GPR50: variants seen among roughly 807,000 people sequenced by gnomAD.
GPR50 encodes melatonin-related receptor.
Under a neutral mutation model 2.6 loss-of-function variants are expected in GPR50, and 1 was observed. That is an observed-to-expected ratio of 0.38 (90% confidence interval 0.13 to 1.79). GPR50 has a LOEUF of 1.79. Ranked by LOEUF, GPR50 falls within the 40% of genes most tolerant of loss-of-function variation. The probability of loss-of-function intolerance (pLI) is 0.33; values close to 1 mark genes in which losing one functional copy is unlikely to be tolerated. For missense variants in GPR50, 535 were observed against 522.1 expected, an observed-to-expected ratio of 1.02 and a Z score of -0.24; for synonymous variants, 233 against 202.3, an observed-to-expected ratio of 1.15 and a Z score of -1.29.
chrX:151,180,952 T>C lies in GPR50; in HGVS notation c.1369T>C (p.Ser457Pro), dbSNP rs370024017. The C allele has an allele frequency of 1.7e-6, 2 of 1,208,569 alleles. No homozygotes were observed. The highest frequency in any genetic ancestry group is 3.5e-5 in the African/African-American group (2 of 56,715). ...KADSVHFKGD[S>P]VHFKPDSVHF... ...TGACTCTGTCCATTTCAAGGGTGAC[T>C]CTGTCCATTTCAAGCCTGACTCTGT... is the stretch of plus-strand genomic sequence containing the variant. Residue 457 changes from serine (S) to proline (P), a missense_variant, in exon 2 of 2, where the codon TCT becomes CCT. Ser to Pro is a moderately conservative substitution (Grantham distance 74). Transcript: ENST00000218316.
At chrX:151,181,579 T>G, downstream of GPR50, 1 of 462,165 alleles carries the variant, frequency 2.2e-6, no homozygotes, top group South Asian at 3.4e-5. Context: ...CTTTCAGGCG[T>G]ACTCATCCTT....
chrX:151,180,418 G>T lies in GPR50; in HGVS notation c.835G>T (p.Ala279Ser). The change falls in exon 2 of 2, where the codon GCC becomes TCC. Residue 279 changes from alanine to serine, a missense_variant. Ala to Ser is a moderately conservative substitution (Grantham distance 99). Transcript: ENST00000218316. ...GATCCCCAACTGGCTTTATCTTGCA[G>T]CCTACTTCATAGCCTACTTCAACAG... Reference protein sequence around the residue: ...GKIPNWLYLAAYFIAYFNSCL... With the variant: ...GKIPNWLYLASYFIAYFNSCL... 8.3e-7 allele frequency: 1 copy of T among 1,211,559 alleles called. No homozygotes were observed.
chrX:151,176,964 C>A, intron 1 of GPR50, 56 bp downstream of exon 1: 2 of 882,200 alleles, frequency 2.3e-6, no homozygotes, highest in Non-Finnish European at 3.2e-6. Context: ...ACCCCTAGGG[C>A]GTTAGTTTTT....
In GPR50 at chrX:151,180,038, C is replaced by T; in HGVS notation, c.455C>T (p.Thr152Ile). 8.3e-7 allele frequency: 1 copy of T among 1,211,234 alleles called. No homozygotes were observed. Among genetic ancestry groups the T allele is most frequent in the Non-Finnish European group, 1.1e-6 (1 of 894,919 alleles). Reference protein sequence around the residue: ...VRNTCIYLVITWIMTVLAVLP... With the variant: ...VRNTCIYLVIIWIMTVLAVLP... ...AATACCTGCATCTACCTGGTCATCACCTGGATCATGACCGTCCTGGCTGTC... is the reference window on the plus strand; with the variant it reads ...AATACCTGCATCTACCTGGTCATCATCTGGATCATGACCGTCCTGGCTGTC... Residue 152 changes from threonine to isoleucine, a missense_variant, in exon 2 of 2, where the codon ACC becomes ATC. Coordinates refer to ENST00000218316, the MANE Select transcript of GPR50 (RefSeq NM_004224.3).
At position 151,180,738 on chromosome X, in the gene GPR50, C is replaced by T. The variant is rs1403348283; in HGVS notation, c.1155C>T (p.His385=). The change falls in exon 2 of 2, where the codon CAC becomes CAT. Residue 385 remains histidine, a synonymous_variant. Transcript: ENST00000218316. ...GCCACCCCGACCGTGCCTCTGGCCACCCTAAGCCCCATTCCAGATCCTCCT... is the reference window on the plus strand; with the variant it reads ...GCCACCCCGACCGTGCCTCTGGCCATCCTAAGCCCCATTCCAGATCCTCCT... ...AAGHPDRASG[H]PKPHSRSSSA... 8.3e-7 allele frequency: 1 copy of T among 1,210,868 alleles called. No individual in the cohort carries two copies.
At chrX:151,178,665 G>T (rs1399225157) in intron 1 of GPR50, among the ~76,000 whole-genome samples, 1 of 112,075 alleles carries the variant, frequency 8.9e-6, no homozygotes, top group African/African-American at 3.2e-5. Context: ...GGAGGAAGAA[G>T]GAGCCATACC....
chrX:151,181,852 G>A (rs745322237), downstream of GPR50, among the ~76,000 whole-genome samples: 1 of 112,056 alleles, frequency 8.9e-6, no homozygotes, highest in Admixed American at 9.4e-5. Context: ...AGGGGTATGT[G>A]CGCAATGCTA....
At position 151,176,756 on chromosome X, in the gene GPR50, G is replaced by A. The variant is rs748396836; in HGVS notation, c.35G>A (p.Gly12Asp). The change falls in exon 1 of 2, where the codon GGC (glycine) becomes GAC (aspartate). Residue 12 changes from glycine to aspartate, a missense_variant. Coordinates refer to ENST00000218316, the MANE Select transcript of GPR50 (RefSeq NM_004224.3). ...GPTLAVPTPY[G>D]CIGCKLPQPE... ...ACCCTAGCGGTTCCCACCCCCTATG[G>A]CTGTATTGGCTGTAAGCTACCCCAG... 1.7e-6 allele frequency: 2 copies of A among 1,203,085 alleles called. No homozygotes were observed. The highest frequency in any genetic ancestry group is 2.2e-6 in the Non-Finnish European group (2 of 890,489).
rs770603459 is a variant in GPR50, at chrX:151,179,922, C to A, written c.339C>A (p.Val113=). Residue 113 remains valine (V), a synonymous_variant, in exon 2 of 2, where the codon GTC becomes GTA. Coordinates refer to ENST00000218316, the MANE Select transcript of GPR50 (RefSeq NM_004224.3). The part of the protein sequence containing the change: ...MVGFITGLSV[V]GSIFNIVAIA... ...GGTTCATCACAGGGCTGAGTGTGGT[C>A]GGCTCCATCTTCAACATCGTGGCAA... 8.3e-7 allele frequency: 1 copy of A among 1,209,021 alleles called. No homozygotes were observed. Among genetic ancestry groups the A allele is most frequent in the East Asian group, 3.0e-5 (1 of 33,742 alleles).
chrX:151,181,368 C>T lies in GPR50; in HGVS notation c.1785C>T (p.Thr595=). 2 of 1,196,938 alleles carry T rather than the reference C, an allele frequency of 1.7e-6. No homozygotes were observed. Among genetic ancestry groups the T allele is most frequent in the Non-Finnish European group, 2.3e-6 (2 of 883,830 alleles). ...TTCCTGACCCTACTGTAGTCACTAC[C>T]AGTACCAATGATTACCATGATGTCG... The part of the protein sequence containing the change: ...ADLPDPTVVT[T]STNDYHDVVV... The change falls in exon 2 of 2, where the codon ACC becomes ACT. Residue 595 remains threonine (T), a synonymous_variant. Transcript: ENST00000218316.
Position 151,179,785 on chromosome X carries a change from G to T in GPR50, c.202G>T (p.Val68Phe). 8.6e-7 allele frequency: 1 copy of T among 1,166,209 alleles called. No homozygotes were observed. Reference protein sequence around the residue: ...KLRNSGNIFVVSLSVADMLVA... With the variant: ...KLRNSGNIFVFSLSVADMLVA... ...ATGTTTTTCAGGCAACATCTTCGTGGTCAGTCTCTCTGTGGCCGATATGCT... is the reference window on the plus strand; with the variant it reads ...ATGTTTTTCAGGCAACATCTTCGTGTTCAGTCTCTCTGTGGCCGATATGCT... The change falls in exon 2 of 2, where the codon GTC becomes TTC. Residue 68 changes from valine to phenylalanine, a missense_variant. Coordinates refer to ENST00000218316, the MANE Select transcript of GPR50 (RefSeq NM_004224.3).
chrX:151,176,621 C>T lies in GPR50; in HGVS notation c.-101C>T, dbSNP rs910313097. On this transcript the variant is annotated 5_prime_UTR_variant, in exon 1 of 2. The change creates a new upstream start codon in the 5' untranslated region. Coordinates refer to ENST00000218316, the MANE Select transcript of GPR50 (RefSeq NM_004224.3). Reference sequence around the variant, plus strand: ...TCTCTGACTCTCAGAGAGGGAGGCACGCTTTCCTGGAGCTCCTGGTGACAG... The same window carrying T: ...TCTCTGACTCTCAGAGAGGGAGGCATGCTTTCCTGGAGCTCCTGGTGACAG... 3.9e-6 allele frequency: 2 copies of T among 518,047 alleles called. No individual in the cohort carries two copies. Among genetic ancestry groups the T allele is most frequent in the Non-Finnish European group, 6.4e-6 (2 of 314,871 alleles). The allele number at this position is 518,047 out of a possible 1,213,427, so 42.7% of individuals were successfully genotyped here.
downstream of GPR50, among the ~76,000 whole-genome samples, chrX:151,181,898 C>T (rs1236419639): frequency 8.9e-6 from 1 of 112,619 alleles, no homozygotes; most frequent in Non-Finnish European, 1.9e-5. Context: ...GTTAATGTGA[C>T]TGCACAGCTT....
At position 151,180,908 on chromosome X, in the gene GPR50, CCTCTGTCCATTTCAAGGCTGA is replaced by C. The variant is rs769577486; in HGVS notation, c.1343_1363del (p.Ala448_Lys454del). ...TCTGCCACTGTCTACCCTAAGCCTG[CCTCTGTCCATTTCAAGGCTGA>C]CTCTGTCCATTTCAAGGGTGACTCT... On this transcript the variant is annotated inframe_deletion, in exon 2 of 2. Coordinates refer to ENST00000218316, the MANE Select transcript of GPR50 (RefSeq NM_004224.3). 8.9e-5 allele frequency: 108 copies of C among 1,208,973 alleles called. 2 individuals are homozygous for C. The African/African-American group carries it at 1.3e-3, about 14-fold the overall frequency.
rs769016022 is a variant in GPR50, at chrX:151,179,861, G to A, written c.278G>A (p.Gly93Asp). 5 of 1,207,866 alleles carry A rather than the reference G, an allele frequency of 4.1e-6. No individual in the cohort carries two copies. The highest frequency in any genetic ancestry group is 2.3e-4 in the Middle Eastern group (1 of 4,346). The change falls in exon 2 of 2, where the codon GGC becomes GAC. Residue 93 changes from glycine to aspartate, a missense_variant. By Grantham distance (94) the Gly-to-Asp change is moderately conservative. Transcript: ENST00000218316. ...ATGCTGCATGCCATGTCCATTGGGGGCTGGGATCTGAGCCAGTTACAGTGC... is the reference window on the plus strand; with the variant it reads ...ATGCTGCATGCCATGTCCATTGGGGACTGGGATCTGAGCCAGTTACAGTGC... ...PLMLHAMSIG[G>D]WDLSQLQCQM...
In GPR50 at chrX:151,181,061, G is replaced by A. The variant is rs62620754; in HGVS notation, c.1478G>A (p.Ser493Asn). Residue 493 changes from serine (S) to asparagine (N), a missense_variant, in exon 2 of 2, where the codon AGT becomes AAT. By Grantham distance (46) the Ser-to-Asn change is conservative. Coordinates refer to ENST00000218316, the MANE Select transcript of GPR50 (RefSeq NM_004224.3). ...GGCAGCCACTCCAAGTCTGCCTTCA[G>A]TGCTGCCACCAGCCACCCTAAACCC... is the stretch of plus-strand genomic sequence containing the variant. ...SAGSHSKSAF[S>N]AATSHPKPTT... 99,360 of 1,208,046 alleles carry A rather than the reference G, an allele frequency of 0.082. 3,041 individuals carry two copies. Among genetic ancestry groups the A allele is most frequent in the African/African-American group, 0.14 (8,024 of 56,603 alleles).
chrX:151,180,167 T>C lies in GPR50; in HGVS notation c.584T>C (p.Ile195Thr), dbSNP rs1162317136. ...NPVFTVTIVC[I>T]HFVLPLLIVG... ...GTCTTCACTGTTACCATCGTCTGCA[T>C]CCACTTCGTCCTCCCTCTCCTCATC... is the stretch of plus-strand genomic sequence containing the variant. The change falls in exon 2 of 2, where the codon ATC becomes ACC. Residue 195 changes from isoleucine (I) to threonine (T), a missense_variant. Ile to Thr is a moderately conservative substitution (Grantham distance 89). Coordinates refer to ENST00000218316, the MANE Select transcript of GPR50 (RefSeq NM_004224.3). The C allele has an allele frequency of 1.9e-5, 23 of 1,204,712 alleles. No individual in the cohort carries two copies. Among genetic ancestry groups the C allele is most frequent in the Non-Finnish European group, 2.2e-5 (20 of 894,925 alleles).
chrX:151,182,117 A>C (rs985648430), downstream of GPR50, among the ~76,000 whole-genome samples: 1 of 112,583 alleles, frequency 8.9e-6, no homozygotes, highest in Non-Finnish European at 1.9e-5. Context: ...ATATGGGCAC[A>C]CCAAATTATT....
rs1323601972 is a variant in GPR50 at position 151,181,353 on chromosome X, T to C, written c.1770T>C (p.Pro590=). 1.1e-5 allele frequency: 13 copies of C among 1,200,425 alleles called. No homozygotes were observed. The highest frequency in any genetic ancestry group is 1.2e-5 in the Non-Finnish European group (11 of 885,901). Residue 590 remains proline (P), a synonymous_variant, in exon 2 of 2, where the codon CCT becomes CCC. Coordinates refer to ENST00000218316, the MANE Select transcript of GPR50 (RefSeq NM_004224.3). ...ESDTIADLPD[P]TVVTTSTNDY... ...ACACCATCGCTGACCTTCCTGACCCTACTGTAGTCACTACCAGTACCAATG... is the reference window on the plus strand; with the variant it reads ...ACACCATCGCTGACCTTCCTGACCCCACTGTAGTCACTACCAGTACCAATG...
Sources: allele counts gnomAD v4.1 joint callset (sites outside exome capture counted in the v4.1 genomes callset), GRCh38; gene constraint gnomAD v4.1.1; transcripts MANE v1.5; gene names NCBI Gene and HGNC (gene_info 2026-07-23, HGNC 2026-07-21).